The following EVI5 variants were observed in gnomAD, a reference collection of about 807,000 sequenced individuals.
The protein encoded by EVI5 is ecotropic viral integration site 5, also known as ecotropic viral integration site 5 protein homolog.
EVI5 carries 73 observed loss-of-function variants against 112.0 expected under a neutral mutation model. That is an observed-to-expected ratio of 0.65 (90% CI 0.54 to 0.79). The LOEUF (loss-of-function observed/expected upper bound fraction) is 0.79, where lower values mean the gene tolerates loss of function less well. EVI5 is among the 30% of genes least tolerant of loss of function. The probability of loss-of-function intolerance (pLI) is 0.00; values close to 1 mark genes in which losing one functional copy is unlikely to be tolerated. For missense variants in EVI5, 900 were observed against 968.8 expected (o/e 0.93, Z 0.94); for synonymous variants, 305 against 319.9 (o/e 0.95, Z 0.50).
At position 92,513,582 on chromosome 1, in the gene EVI5, A is replaced by T; in HGVS notation, c.*74T>A. The T allele has an allele frequency of 1.7e-6, 1 of 578,568 alleles. No homozygotes were observed. The highest frequency in any genetic ancestry group is 2.8e-6 in the Non-Finnish European group (1 of 357,166). 35.8% of individuals were successfully genotyped at this position (578,568 alleles called of 1,614,324 possible). On this transcript the variant is annotated 3_prime_UTR_variant, in exon 20 of 20. Transcript: ENST00000684568. The stretch of plus-strand genomic sequence containing the variant: ...ATATATATATGTACATATGAAACAA[A>T]TTATTTCCAAAAAGCCCTAATCATA...
intron 1 of EVI5, among the ~76,000 whole-genome samples, chr1:92,742,122 CAAAT>C (rs1204595582): frequency 6.6e-6 from 1 of 151,364 alleles, no homozygotes; most frequent in Non-Finnish European, 1.5e-5. Context: ...CAAAAAAAAA[CAAAT>C]AATCTGATTA....
intron 16 of EVI5, among the ~76,000 whole-genome samples, chr1:92,619,058 T>G (rs903710751): frequency 6.6e-6 from 1 of 152,170 alleles, no homozygotes; most frequent in Non-Finnish European, 1.5e-5. Context: ...AGGTTCAAGT[T>G]CAAGCTGACA....
At chr1:92,754,317 A>G (rs1408349109) in intron 1 of EVI5, among the ~76,000 whole-genome samples, 1 of 152,252 alleles carries the variant, frequency 6.6e-6, no homozygotes, top group Non-Finnish European at 1.5e-5. Flanking sequence ...TAAGTAAGAC[A>G]TATGGTTCCT....
chr1:92,547,158 A>C (rs1665868053), intron 19 of EVI5, among the ~76,000 whole-genome samples: 1 of 152,246 alleles, frequency 6.6e-6, no homozygotes, highest in South Asian at 2.1e-4. Context: ...GTCTCAGACC[A>C]CAGTGCAATC....
intron 9 of EVI5, among the ~76,000 whole-genome samples, chr1:92,680,914 T>C (rs1240517561): frequency 6.6e-6 from 1 of 152,076 alleles, no homozygotes; most frequent in East Asian, 1.9e-4. Flanking sequence ...TGAGGAAATA[T>C]GTCAGATTAA....
Position 92,708,908 on chromosome 1 carries a change from G to T in EVI5, c.150-4164C>A, listed in dbSNP as rs148746828. Among the ~76,000 whole-genome samples, 1,112 of 152,240 alleles carry T rather than the reference G, an allele frequency of 7.3e-3. 13 individuals carry two copies. Among genetic ancestry groups the T allele is most frequent in the African/African-American group, 0.025 (1,057 of 41,546 alleles). ...ATTTATATGAAATATCTAGAAGAAA[G>T]AAAATAGATCAGCAGCTGCTGAGGG... is the stretch of plus-strand genomic sequence containing the variant. On this transcript the variant is annotated intron_variant, in intron 2 of 19. Transcript: ENST00000684568.
chr1:92,537,286 TC>T (rs1447312586), intron 19 of EVI5, among the ~76,000 whole-genome samples: 3 of 152,198 alleles, frequency 2.0e-5, no homozygotes, highest in Non-Finnish European at 4.4e-5. Context: ...TTATAAAAGC[TC>T]CTATTCGTAC....
chr1:92,605,511 G>T, intron 17 of EVI5, 109 bp from the exon 18 acceptor site: 1 of 687,650 alleles, frequency 1.5e-6, no homozygotes. Flanking sequence ...ATCTAGCAGG[G>T]TCTAAGGCAG....
intron 14 of EVI5, among the ~76,000 whole-genome samples, chr1:92,632,833 A>C (rs1461701582): frequency 6.6e-6 from 1 of 152,130 alleles, no homozygotes; most frequent in East Asian, 1.9e-4. Flanking sequence ...TTCCCTCTAC[A>C]CACTGCTTTG....
intron 18 of EVI5, among the ~76,000 whole-genome samples, chr1:92,602,938 A>G (rs545666566): frequency 6.6e-6 from 1 of 152,326 alleles, no homozygotes; most frequent in Non-Finnish European, 1.5e-5. Flanking sequence ...AATATTTGCA[A>G]ACCATATATA....
chr1:92,647,670 G>A, intron 13 of EVI5: 1 of 298,206 alleles, frequency 3.4e-6, no homozygotes. Context: ...TTCCTTCCTG[G>A]TCACCTAGCA....
intron 6 of EVI5, among the ~76,000 whole-genome samples, chr1:92,696,988 C>T (rs1208229883): frequency 6.6e-6 from 1 of 151,932 alleles, no homozygotes; most frequent in African/African-American, 2.4e-5. Context: ...TGCAGTGAGC[C>T]GACACCACGC....
intron 1 of EVI5, among the ~76,000 whole-genome samples, chr1:92,780,266 C>A (rs1464347265): frequency 6.6e-6 from 1 of 152,208 alleles, no homozygotes; most frequent in Non-Finnish European, 1.5e-5. Context: ...CACTGTAAGT[C>A]AATTACACCT....
At chr1:92,714,039 T>C (rs1673240565) in intron 2 of EVI5, 1 of 984,864 alleles carries the variant, frequency 1.0e-6, no homozygotes, top group South Asian at 4.7e-5. Context: ...GATTTTAAAA[T>C]GAAAAAAGAA....
In EVI5 at chr1:92,512,087, G is replaced by C. The variant is rs561323098; in HGVS notation, c.*1569C>G. Reference sequence around the variant, plus strand: ...AACATATTCATGTCGTCTTTCCATAGTGCAAGTATAATTTGGGTGTTTTCT... The same window carrying C: ...AACATATTCATGTCGTCTTTCCATACTGCAAGTATAATTTGGGTGTTTTCT... On this transcript the variant is annotated 3_prime_UTR_variant, in exon 20 of 20. Transcript: ENST00000684568. The C allele has an allele frequency of 6.6e-6, 1 of 152,442 alleles. No individual in the cohort carries two copies. The highest frequency in any genetic ancestry group is 1.9e-4 in the East Asian group (1 of 5,178). The allele number at this position is 152,442 out of a possible 1,614,324, so 9.4% of individuals were successfully genotyped here. A position where few individuals can be genotyped will look rare whatever the true frequency, so the allele number is the denominator to read the frequency against.
chr1:92,627,207 T>C (rs984826168), intron 14 of EVI5, among the ~76,000 whole-genome samples: 2 of 152,208 alleles, frequency 1.3e-5, no homozygotes, highest in African/African-American at 4.8e-5. Flanking sequence ...TGAATTATTC[T>C]TATGCCTTTG....
intron 18 of EVI5, among the ~76,000 whole-genome samples, chr1:92,591,438 CA>C (rs1673870424): frequency 6.6e-6 from 1 of 151,550 alleles, no homozygotes; most frequent in South Asian, 2.1e-4. Flanking sequence ...AAATGGAAAA[CA>C]AAAAAAGGCA....
chr1:92,596,483 G>T (rs1319248625), intron 18 of EVI5, among the ~76,000 whole-genome samples: 1 of 152,138 alleles, frequency 6.6e-6, no homozygotes, highest in Non-Finnish European at 1.5e-5. Context: ...TGTACCAAGT[G>T]TTCAGTAATG....
At position 92,526,464 on chromosome 1, in the gene EVI5, T is replaced by C. The variant is rs111519724; in HGVS notation, c.2167-12494A>G. 6.6e-5 allele frequency among the ~76,000 whole-genome samples: 10 copies of C among 152,312 alleles called. No individual in the cohort carries two copies. The East Asian group carries it at 1.7e-3, about 26-fold the overall frequency. On this transcript the variant is annotated intron_variant, in intron 19 of 19. Transcript: ENST00000684568. ...AAAATATGGAGGCAAGAGAGCATGGTAGGTCTGAAGAGCTGTTAAGCAGTT... is the reference window on the plus strand; with the variant it reads ...AAAATATGGAGGCAAGAGAGCATGGCAGGTCTGAAGAGCTGTTAAGCAGTT...
Sources: gnomAD v4.1 joint callset for allele counts (sites outside exome capture counted in the v4.1 genomes callset) on GRCh38, gnomAD v4.1.1 for gene constraint, MANE v1.5 for transcripts, NCBI Gene and HGNC (gene_info 2026-07-23, HGNC 2026-07-21) for gene names.